Variants in CLEC16A observed in about 807,000 individuals in gnomAD.
The protein encoded by CLEC16A is C-type lectin domain containing 16A.
CLEC16A carries 51 observed loss-of-function variants against 109.5 expected under a neutral mutation model. That is an observed-to-expected ratio of 0.47 (90% CI 0.37 to 0.59). CLEC16A has a LOEUF of 0.59. Among genes scored for constraint, CLEC16A ranks in the 20% least tolerant of loss-of-function variants. CLEC16A has a pLI of 0.00. For missense variants in CLEC16A, 1,339 were observed against 1,394.0 expected (o/e 0.96, Z 0.63); for synonymous variants, 673 against 564.2 (o/e 1.19, Z -2.73).
intron 23 of CLEC16A, 64 bp downstream of exon 23, chr16:11,166,616 C>G (rs1184068322): frequency 5.5e-6 from 8 of 1,459,188 alleles, no homozygotes; most frequent in Non-Finnish European, 6.4e-6. Flanking sequence ...CTCACCATTA[C>G]CAAAACCCCT....
At chr16:10,945,702 G>C (rs903986662) in intron 1 of CLEC16A, among the ~76,000 whole-genome samples, 1 of 152,174 alleles carries the variant, frequency 6.6e-6, no homozygotes, top group Admixed American at 6.5e-5. Context: ...TACATAGTAG[G>C]TGGCCAGTAG....
chr16:10,986,322 G>A (rs1039413958), intron 10 of CLEC16A, among the ~76,000 whole-genome samples: 5 of 152,074 alleles, frequency 3.3e-5, no homozygotes, highest in Non-Finnish European at 2.9e-5. Flanking sequence ...GAGCCGGCCT[G>A]CTGCATTTTT....
At chr16:11,022,515 G>C (rs1395616790) in intron 12 of CLEC16A, among the ~76,000 whole-genome samples, 1 of 151,722 alleles carries the variant, frequency 6.6e-6, no homozygotes, top group African/African-American at 2.4e-5. Flanking sequence ...CTTGGCGTTG[G>C]TCCACTTGCC....
At chr16:11,127,731 G>C (rs1165549518) in intron 22 of CLEC16A, among the ~76,000 whole-genome samples, 1 of 152,078 alleles carries the variant, frequency 6.6e-6, no homozygotes, top group Non-Finnish European at 1.5e-5. Flanking sequence ...AGCCAGGCAT[G>C]GTGGTGGGCA....
At chr16:11,075,527 C>T (rs1478467781) in intron 19 of CLEC16A, among the ~76,000 whole-genome samples, 4 of 151,892 alleles carry the variant, frequency 2.6e-5, no homozygotes, top group African/African-American at 7.3e-5. Flanking sequence ...CCTTGAACCC[C>T]GGGGGCTCAA....
intron 13 of CLEC16A, among the ~76,000 whole-genome samples, chr16:11,025,278 T>C (rs1028500764): frequency 6.6e-6 from 1 of 152,210 alleles, no homozygotes; most frequent in African/African-American, 2.4e-5. Context: ...ATCAGTCAAA[T>C]TGTAATCTTG....
intron 10 of CLEC16A, among the ~76,000 whole-genome samples, chr16:11,002,645 C>G (rs1344243097): frequency 5.3e-5 from 8 of 152,162 alleles, no homozygotes; most frequent in Non-Finnish European, 7.3e-5. Context: ...TCATCCACCC[C>G]CTCCAAGTCC....
chr16:11,054,657 T>C (rs1423603839), intron 18 of CLEC16A, among the ~76,000 whole-genome samples: 1 of 152,228 alleles, frequency 6.6e-6, no homozygotes, highest in East Asian at 1.9e-4. Context: ...TTAGAAAAGC[T>C]TCCTTTGTGA....
chr16:11,051,491 T>C (rs749003829), intron 17 of CLEC16A, 22 bp from the exon 18 acceptor site: 3 of 1,602,936 alleles, frequency 1.9e-6, no homozygotes, highest in Non-Finnish European at 2.6e-6. Context: ...TGCTTTGAGG[T>C]TTCCTGTAAT....
intron 18 of CLEC16A, among the ~76,000 whole-genome samples, chr16:11,059,389 ACTGC>A (rs2048366593): frequency 1.3e-5 from 2 of 152,128 alleles, no homozygotes; most frequent in Admixed American, 6.5e-5. Flanking sequence ...TTTACAGAGG[ACTGC>A]ACTACCTTAG....
chr16:11,138,740 A>C (rs1248875583), intron 22 of CLEC16A, among the ~76,000 whole-genome samples: 1 of 152,188 alleles, frequency 6.6e-6, no homozygotes, highest in African/African-American at 2.4e-5. Context: ...CGTATCCTGG[A>C]GTGTTTTTCA....
At chr16:11,126,203 T>A in intron 22 of CLEC16A, 57 bp downstream of exon 22, 1 of 1,606,454 alleles carries the variant, frequency 6.2e-7, no homozygotes. Context: ...GCGTTCAAGG[T>A]CTTTCTCTCT....
chr16:11,010,727 A>G (rs2045352274), intron 11 of CLEC16A, among the ~76,000 whole-genome samples: 2 of 152,172 alleles, frequency 1.3e-5, no homozygotes, highest in Non-Finnish European at 2.9e-5. Flanking sequence ...TCTTTCTAGC[A>G]TATTCTCTCC....
At chr16:11,137,573 A>T (rs971172541) in intron 22 of CLEC16A, among the ~76,000 whole-genome samples, 2 of 140,202 alleles carry the variant, frequency 1.4e-5, no homozygotes, top group Middle Eastern at 3.7e-3. Context: ...TGGGTGACAG[A>T]GCGAGACTCC....
chr16:11,105,904 G>A (rs139636422), intron 19 of CLEC16A, among the ~76,000 whole-genome samples: 39 of 152,300 alleles, frequency 2.6e-4, no homozygotes, highest in African/African-American at 9.1e-4. Flanking sequence ...TGAGTGTGCT[G>A]GGAGACATGA....
chr16:10,994,896 G>T (rs1007678423), intron 10 of CLEC16A, among the ~76,000 whole-genome samples: 5 of 152,182 alleles, frequency 3.3e-5, no homozygotes, highest in Non-Finnish European at 5.9e-5. Flanking sequence ...ACGTTGGGAG[G>T]TGCAGCAAAT....
chr16:11,105,987 C>A, intron 19 of CLEC16A, among the ~76,000 whole-genome samples: 1 of 152,252 alleles, frequency 6.6e-6, no homozygotes, highest in East Asian at 1.9e-4. Flanking sequence ...CCATTCAAAT[C>A]CTTGCTATTC....
In CLEC16A at chr16:11,108,789, G is replaced by T. The variant is rs527839291; in HGVS notation, c.2117-11826G>T. ...ATATAAAAGCACTTTATAAAGGTTG[G>T]TCTTGGTGCCAGCAGCCATTGTCAT... is the stretch of plus-strand genomic sequence containing the variant. On this transcript the variant is annotated intron_variant, in intron 19 of 23. Coordinates refer to ENST00000409790, the MANE Select transcript of CLEC16A (RefSeq NM_015226.3). 1.7e-3 allele frequency among the ~76,000 whole-genome samples: 263 copies of T among 152,276 alleles called. 2 individuals are homozygous for T. Among genetic ancestry groups the T allele is most frequent in the African/African-American group, 6.1e-3 (253 of 41,556 alleles).
chr16:10,997,454 A>C (rs1218447577), intron 10 of CLEC16A, among the ~76,000 whole-genome samples: 1 of 152,200 alleles, frequency 6.6e-6, no homozygotes, highest in Admixed American at 6.5e-5. Context: ...CACCCCACCC[A>C]AGAGAATCAC....
Sources: gnomAD v4.1 joint callset for allele counts (sites outside exome capture counted in the v4.1 genomes callset) on GRCh38, gnomAD v4.1.1 for gene constraint, MANE v1.5 for transcripts, NCBI Gene and HGNC (gene_info 2026-07-23, HGNC 2026-07-21) for gene names.